PCYT1A: variants seen among roughly 807,000 people sequenced by gnomAD.
PCYT1A encodes the protein choline-phosphate cytidylyltransferase A.
PCYT1A carries 25 observed loss-of-function variants against 43.7 expected under a neutral mutation model. The observed-to-expected ratio is 0.57, with a 90% CI of 0.42 to 0.80. PCYT1A has a LOEUF of 0.80. Ranked by LOEUF, PCYT1A falls within the 30% of genes least tolerant of loss-of-function variation. The probability of loss-of-function intolerance (pLI) is 0.00; values close to 1 mark genes in which losing one functional copy is unlikely to be tolerated. For synonymous variants in PCYT1A, 172 were observed against 170.7 expected (o/e 1.01, Z -0.06); for missense variants, 421 against 474.2 (o/e 0.89, Z 1.04).
At position 196,248,901 on chromosome 3, in the gene PCYT1A, C is replaced by T. The variant is rs1221458617; in HGVS notation, c.218-578G>A. On this transcript the variant is annotated intron_variant, in intron 3 of 8. Coordinates refer to ENST00000431016, the MANE Select transcript of PCYT1A (RefSeq NM_001312673.2). ...CCTCCTGAGTAGCTGGAACTACAGG[C>T]GCCCACCACCAAGCCCAGCTAATTT... 2.0e-5 allele frequency among the ~76,000 whole-genome samples: 3 copies of T among 151,928 alleles called. No homozygotes were observed. In the East Asian group the frequency reaches 5.8e-4, roughly 29 times the overall value.
At chr3:196,245,855 G>A (rs1286392250) in intron 5 of PCYT1A, among the ~76,000 whole-genome samples, 1 of 151,866 alleles carries the variant, frequency 6.6e-6, no homozygotes, top group Admixed American at 6.6e-5. Context: ...GGAGGCTGAG[G>A]CAGGCGAATC....
chr3:196,247,556 CTT>C lies in PCYT1A; in HGVS notation c.335-40_335-39del, dbSNP rs771397429. The C allele has an allele frequency of 6.2e-7, 1 of 1,603,190 alleles. No homozygotes were observed. Among genetic ancestry groups the C allele is most frequent in the Non-Finnish European group, 8.5e-7 (1 of 1,170,140 alleles). On this transcript the variant is annotated intron_variant, in intron 4 of 8. Transcript: ENST00000431016. This position sits in a 1 kb window ranked among gnomAD's most constrained non-coding sequence, Gnocchi z 4.8. ...ATCATAAATTGTGTGTTGGAGTCCT[CTT>C]TGCTTAGCACCTCCTCAGCCACCGA...
chr3:196,280,570 G>GTTT, intron 1 of PCYT1A, among the ~76,000 whole-genome samples: 4,506 of 91,248 alleles, frequency 0.049, 302 homozygotes, highest in Middle Eastern at 0.076. Context: ...TATTTTTATT[G>GTTT]TTTTTTTTTT....
intron 1 of PCYT1A, among the ~76,000 whole-genome samples, chr3:196,274,398 A>C (rs752940599): frequency 2.6e-5 from 4 of 152,230 alleles, no homozygotes; most frequent in Non-Finnish European, 5.9e-5. Context: ...CCATCCAGAC[A>C]GGCCACCGCT....
At chr3:196,265,883 C>T (rs1036755186) in intron 2 of PCYT1A, among the ~76,000 whole-genome samples, 3 of 152,002 alleles carry the variant, frequency 2.0e-5, no homozygotes, top group South Asian at 2.1e-4. Context: ...GGACTACAGG[C>T]GCCCACCACT....
chr3:196,253,937 C>A (rs897492765), intron 3 of PCYT1A, among the ~76,000 whole-genome samples: 41 of 149,104 alleles, frequency 2.7e-4, no homozygotes, highest in African/African-American at 9.5e-4. Context: ...TTTCCTGTTT[C>A]TATTATATAA....
intron 5 of PCYT1A, among the ~76,000 whole-genome samples, chr3:196,243,968 G>A (rs1478087745): frequency 4.6e-5 from 7 of 151,442 alleles, no homozygotes; most frequent in Admixed American, 6.6e-5. Flanking sequence ...CGTCTGGGAA[G>A]TGAGGAGCGT....
At position 196,238,930 on chromosome 3, in the gene PCYT1A, G is replaced by GT. The variant is rs1382405192; in HGVS notation, c.898-37dup. ...CGAAAGGAAGAGTCAGAAAAACACC[G>GT]TGGATCCTACTTAATCATCACTGAA... On this transcript the variant is annotated intron_variant, in intron 8 of 8. Coordinates refer to ENST00000431016, the MANE Select transcript of PCYT1A (RefSeq NM_001312673.2). 5 of 1,277,520 alleles carry GT rather than the reference G, an allele frequency of 3.9e-6. No homozygotes were observed. The African/African-American group carries it at 6.2e-5, about 16-fold the overall frequency. 79.1% of individuals were successfully genotyped at this position (1,277,520 alleles called of 1,614,324 possible).
Position 196,252,058 on chromosome 3 carries a change from A to C in PCYT1A, c.218-3735T>G, listed in dbSNP as rs1170304529. On this transcript the variant is annotated intron_variant, in intron 3 of 8. Transcript: ENST00000431016. The surrounding 1 kb of genome is among the most constrained non-coding windows in gnomAD (Gnocchi z 4.0). ...CCGAGAAGCTGGGACTACAGCGCACACCACCACGCCCCGCTGACTACAGCG... is the reference window on the plus strand; with the variant it reads ...CCGAGAAGCTGGGACTACAGCGCACCCCACCACGCCCCGCTGACTACAGCG... Among the ~76,000 whole-genome samples, 1 of 149,044 alleles carries C rather than the reference A, an allele frequency of 6.7e-6. No individual in the cohort carries two copies. The highest frequency in any genetic ancestry group is 2.2e-4 in the South Asian group (1 of 4,582).
chr3:196,285,020 A>T (rs1428160976), intron 1 of PCYT1A, among the ~76,000 whole-genome samples: 2 of 152,232 alleles, frequency 1.3e-5, no homozygotes, highest in Admixed American at 6.5e-5. Flanking sequence ...TTCCCATTCA[A>T]GAACCTATCT....
chr3:196,273,219 G>T lies in PCYT1A; in HGVS notation c.-10-2678C>A, dbSNP rs951304643. On this transcript the variant is annotated intron_variant, in intron 1 of 8. Coordinates refer to ENST00000431016, the MANE Select transcript of PCYT1A (RefSeq NM_001312673.2). This position sits in a 1 kb window ranked among gnomAD's most constrained non-coding sequence, Gnocchi z 4.1. ...CAGGAACCACAGAGCTCCAAAGAGG[G>T]TGTCACAGCCCTGGCTCAAGGAGCT... Among the ~76,000 whole-genome samples, 5 of 152,228 alleles carry T rather than the reference G, an allele frequency of 3.3e-5. No homozygotes were observed. The highest frequency in any genetic ancestry group is 5.9e-5 in the Non-Finnish European group (4 of 68,038).
At chr3:196,260,588 A>T (rs577919159) in intron 2 of PCYT1A, among the ~76,000 whole-genome samples, 2 of 152,342 alleles carry the variant, frequency 1.3e-5, no homozygotes, top group African/African-American at 2.4e-5. Flanking sequence ...CACGCCTGTA[A>T]TCCCAGCACT....
chr3:196,247,993 G>C lies in PCYT1A; in HGVS notation c.334+214C>G. ...GACCACAGAAACTCAGCTACAAGCA[G>C]TGAATAAATGCCAGATGGCACAGTC... On this transcript the variant is annotated intron_variant, in intron 4 of 8. Transcript: ENST00000431016. This position sits in a 1 kb window ranked among gnomAD's most constrained non-coding sequence, Gnocchi z 4.8. The C allele has an allele frequency of 1.8e-6, 1 of 564,674 alleles. No individual in the cohort carries two copies. The highest frequency in any genetic ancestry group is 3.2e-6 in the Non-Finnish European group (1 of 314,810). 35.0% of individuals were successfully genotyped at this position (564,674 alleles called of 1,614,324 possible). A position where few individuals can be genotyped will look rare whatever the true frequency, so the allele number is the denominator to read the frequency against.
chr3:196,275,991 G>C (rs1725577823), intron 1 of PCYT1A, among the ~76,000 whole-genome samples: 1 of 151,670 alleles, frequency 6.6e-6, no homozygotes, highest in African/African-American at 2.4e-5. Flanking sequence ...CAGCTGCTGG[G>C]GAGGCTGAGG....
At chr3:196,276,947 AG>A (rs979544803) in intron 1 of PCYT1A, among the ~76,000 whole-genome samples, 1 of 151,874 alleles carries the variant, frequency 6.6e-6, no homozygotes, top group Non-Finnish European at 1.5e-5. Flanking sequence ...AAAAAAAAAA[AG>A]GCCACATGCA....
intron 1 of PCYT1A, among the ~76,000 whole-genome samples, chr3:196,286,997 G>A (rs1427845620): frequency 6.6e-6 from 1 of 152,234 alleles, no homozygotes; most frequent in Non-Finnish European, 1.5e-5. Context: ...CATAGTGTGG[G>A]AGGCATTAAA....
At chr3:196,264,667 A>G (rs1379590098) in intron 2 of PCYT1A, among the ~76,000 whole-genome samples, 1 of 152,192 alleles carries the variant, frequency 6.6e-6, no homozygotes, top group East Asian at 1.9e-4. Flanking sequence ...AAGCAGAACT[A>G]TGGCCATCCT....
chr3:196,279,473 C>T (rs1272434358), intron 1 of PCYT1A, among the ~76,000 whole-genome samples: 1 of 152,140 alleles, frequency 6.6e-6, no homozygotes, highest in Non-Finnish European at 1.5e-5. Context: ...ACATTAGTGT[C>T]TCCAAAGTGC....
chr3:196,283,444 T>G (rs537915534), intron 1 of PCYT1A: 1 of 152,160 alleles, frequency 6.6e-6, no homozygotes, highest in Non-Finnish European at 1.5e-5. Flanking sequence ...AATTCAATTA[T>G]TTACATTAAT....
Sources: gnomAD v4.1 joint callset for allele counts (sites outside exome capture counted in the v4.1 genomes callset) on GRCh38, gnomAD v4.1.1 for gene constraint, Gnocchi (gnomAD v3.1) non-coding constraint, MANE v1.5 for transcripts, NCBI Gene and HGNC (gene_info 2026-07-23, HGNC 2026-07-21) for gene names.